The following CRADD variants were observed in gnomAD, a reference collection of about 807,000 sequenced individuals.
The protein encoded by CRADD is CARD and death domain containing adaptor protein.
Under a neutral mutation model 15.5 loss-of-function variants are expected in CRADD, and 9 were observed. That is an observed-to-expected ratio of 0.58 (90% CI 0.35 to 1.01). CRADD has a LOEUF of 1.01. Among genes scored for constraint, CRADD ranks in the 50% least tolerant of loss-of-function variants. CRADD has a pLI of 0.02. For missense variants in CRADD, 227 were observed against 250.3 expected, an observed-to-expected ratio of 0.91 and a Z score of 0.63; for synonymous variants, 118 against 107.6, an observed-to-expected ratio of 1.10 and a Z score of -0.60.
intron 2 of CRADD, among the ~76,000 whole-genome samples, chr12:93,703,611 C>T (rs1268809284): frequency 6.6e-6 from 1 of 151,974 alleles, no homozygotes; most frequent in East Asian, 1.9e-4. Flanking sequence ...ATCTGCCCAC[C>T]TCAGCCTCCC....
chr12:93,791,462 A>G (rs1407796164), intron 2 of CRADD, among the ~76,000 whole-genome samples: 15 of 152,204 alleles, frequency 9.9e-5, no homozygotes, highest in Admixed American at 9.8e-4. Context: ...TTGCACGTGG[A>G]ATCTAAAAGA....
At chr12:93,738,587 C>G in intron 2 of CRADD, 1 of 645,172 alleles carries the variant, frequency 1.5e-6, no homozygotes, top group South Asian at 1.7e-5. Context: ...CCGCCACCCC[C>G]TGCACCACAC....
At chr12:93,702,993 G>A (rs1181101640) in intron 2 of CRADD, among the ~76,000 whole-genome samples, 1 of 152,132 alleles carries the variant, frequency 6.6e-6, no homozygotes, top group African/African-American at 2.4e-5. Context: ...GGAAATGAAA[G>A]CATTGCCATT....
chr12:93,767,810 A>T (rs1038083128), intron 2 of CRADD, among the ~76,000 whole-genome samples: 3 of 152,254 alleles, frequency 2.0e-5, no homozygotes, highest in African/African-American at 7.2e-5. Flanking sequence ...TAAGCTTCTT[A>T]TGACCTGAAA....
intron 2 of CRADD, among the ~76,000 whole-genome samples, chr12:93,865,006 G>A (rs960927539): frequency 6.6e-6 from 1 of 152,118 alleles, no homozygotes; most frequent in Non-Finnish European, 1.5e-5. Context: ...AATGAATGAG[G>A]GGTGCCTGGC....
intron 2 of CRADD, among the ~76,000 whole-genome samples, chr12:93,785,341 C>G (rs922423637): frequency 8.5e-5 from 13 of 152,152 alleles, no homozygotes; most frequent in African/African-American, 3.1e-4. Flanking sequence ...GACGAACATC[C>G]GAAATGAAAA....
rs575782009 is a variant in CRADD at position 93,850,289 on chromosome 12, G to A, written c.*18G>A. The stretch of plus-strand genomic sequence containing the variant: ...TGGAGTGATGGTGCCTCCAGCAACC[G>A]CTGGGGAGTGTGTCCCTGAGTCATG... On this transcript the variant is annotated 3_prime_UTR_variant, in exon 3 of 3. Coordinates refer to ENST00000332896, the MANE Select transcript of CRADD (RefSeq NM_003805.5). This position sits in a 1 kb window ranked among gnomAD's most constrained non-coding sequence, Gnocchi z 4.0. The A allele has an allele frequency of 3.3e-4, 513 of 1,573,336 alleles. 3 individuals carry two copies. In the South Asian group the frequency reaches 5.3e-3, roughly 16 times the overall value.
At chr12:93,859,527 G>A (rs1183611920) in intron 2 of CRADD, 1 of 354,190 alleles carries the variant, frequency 2.8e-6, no homozygotes, top group Non-Finnish European at 5.6e-6. Context: ...TTTTATTCAT[G>A]CCCTTGCAAT....
chr12:93,865,590 T>A (rs1958359799), intron 2 of CRADD, among the ~76,000 whole-genome samples: 1 of 152,132 alleles, frequency 6.6e-6, no homozygotes, highest in Non-Finnish European at 1.5e-5. Flanking sequence ...GGCTGATTTT[T>A]AAAAATTTTT....
intron 2 of CRADD, among the ~76,000 whole-genome samples, chr12:93,869,429 T>C (rs940914712): frequency 6.6e-6 from 1 of 151,492 alleles, no homozygotes; most frequent in Non-Finnish European, 1.5e-5. Flanking sequence ...CTCCAGAAAA[T>C]AAAAGGATAC....
rs762344890 is a variant in CRADD, at chr12:93,678,957, A to G, written c.183A>G (p.Leu61=). The change falls in exon 2 of 3, where the codon CTA becomes CTG. Residue 61 remains leucine (L), a synonymous_variant. Transcript: ENST00000332896. ...LRKTMLLLDI[L]PSRGPKAFDT... ...AAACAATGCTCCTGCTGGATATCCT[A>G]CCTTCCAGGGGCCCTAAAGCATTTG... is the stretch of plus-strand genomic sequence containing the variant. 6.2e-7 allele frequency: 1 copy of G among 1,613,944 alleles called. No homozygotes were observed. The highest frequency in any genetic ancestry group is 1.1e-5 in the South Asian group (1 of 91,074).
chr12:93,853,060 C>T (rs1958241799), downstream of CRADD, among the ~76,000 whole-genome samples: 1 of 152,142 alleles, frequency 6.6e-6, no homozygotes. Flanking sequence ...TTAGTTTTCT[C>T]TGCCTGCATA....
At chr12:93,779,503 A>C (rs1957176719) in intron 2 of CRADD, among the ~76,000 whole-genome samples, 1 of 152,148 alleles carries the variant, frequency 6.6e-6, no homozygotes, top group Admixed American at 6.5e-5. Context: ...AGTACAAAAA[A>C]ATAAAAAGAA....
intron 2 of CRADD, among the ~76,000 whole-genome samples, chr12:93,727,902 C>G (rs996645598): frequency 1.3e-5 from 2 of 152,144 alleles, no homozygotes; most frequent in Non-Finnish European, 2.9e-5. Context: ...GGGACCCACC[C>G]CAAGAGTCAG....
At chr12:93,723,173 C>T (rs1204322455) in intron 2 of CRADD, among the ~76,000 whole-genome samples, 1 of 152,112 alleles carries the variant, frequency 6.6e-6, no homozygotes, top group East Asian at 1.9e-4. Flanking sequence ...TGATAACAGC[C>T]CCTTCCTGAG....
chr12:93,824,421 T>TAC lies in CRADD; in HGVS notation c.299-25530_299-25529dup, dbSNP rs35071454. ...ACACACACACACTCATACACACACA[T>TAC]ACACACACACACACACACACTACCA... On this transcript the variant is annotated intron_variant, in intron 2 of 2. Coordinates refer to ENST00000332896, the MANE Select transcript of CRADD (RefSeq NM_003805.5). This position sits in a 1 kb window ranked among gnomAD's most constrained non-coding sequence, Gnocchi z 4.3. 0.36 allele frequency among the ~76,000 whole-genome samples: 54,546 copies of TAC among 150,352 alleles called. 10,091 individuals carry two copies. Among genetic ancestry groups the TAC allele is most frequent in the East Asian group, 0.66 (3,361 of 5,104 alleles).
At chr12:93,863,321 C>A (rs773731153) in intron 2 of CRADD, among the ~76,000 whole-genome samples, 1 of 152,094 alleles carries the variant, frequency 6.6e-6, no homozygotes, top group Non-Finnish European at 1.5e-5. Context: ...GGTCTGTCCC[C>A]ACGCTTGCCA....
At chr12:93,698,452 T>C (rs1158541502) in intron 2 of CRADD, among the ~76,000 whole-genome samples, 1 of 152,244 alleles carries the variant, frequency 6.6e-6, no homozygotes, top group Non-Finnish European at 1.5e-5. Context: ...CAAGGCATGC[T>C]GCTATTTCAA....
rs930856830 is a variant in CRADD at position 93,833,365 on chromosome 12, G to T, written c.299-16605G>T. 6.6e-5 allele frequency among the ~76,000 whole-genome samples: 10 copies of T among 152,086 alleles called. No homozygotes were observed. In the South Asian group the frequency reaches 2.1e-3, roughly 32 times the overall value. On this transcript the variant is annotated intron_variant, in intron 2 of 2. Transcript: ENST00000332896. ...TTTATATTTATTTTTTTGAGGTAGG[G>T]TCTCCCTGTGTCACTCAGGCTGGAG... is the stretch of plus-strand genomic sequence containing the variant.
Sources: gnomAD v4.1 joint callset for allele counts (sites outside exome capture counted in the v4.1 genomes callset) on GRCh38, gnomAD v4.1.1 for gene constraint, Gnocchi (gnomAD v3.1) non-coding constraint, MANE v1.5 for transcripts, NCBI Gene and HGNC (gene_info 2026-07-23, HGNC 2026-07-21) for gene names.